CPAMD8: variants seen among roughly 807,000 people sequenced by gnomAD.
The protein encoded by CPAMD8 is C3 and PZP-like alpha-2-macroglobulin domain-containing protein 8.
Under a neutral mutation model 224.7 loss-of-function variants are expected in CPAMD8, and 146 were observed. The observed-to-expected ratio is 0.65, with a 90% CI of 0.57 to 0.75. The LOEUF (loss-of-function observed/expected upper bound fraction) is 0.75. Ranked by LOEUF, CPAMD8 falls within the 30% of genes least tolerant of loss-of-function variation. The pLI, the probability that CPAMD8 is intolerant of heterozygous loss-of-function variation, is 0.00. For missense variants in CPAMD8, 2,301 were observed against 2,537.5 expected, an observed-to-expected ratio of 0.91 and a Z score of 2.00; for synonymous variants, 966 against 1,044.6, an observed-to-expected ratio of 0.92 and a Z score of 1.45.
At chr19:16,978,811 A>G (rs1167810592) in intron 14 of CPAMD8, among the ~76,000 whole-genome samples, 1 of 151,016 alleles carries the variant, frequency 6.6e-6, no homozygotes, top group Non-Finnish European at 1.5e-5. Flanking sequence ...TCATCCATCC[A>G]CCATCTACCC....
chr19:16,996,892 A>T (rs1052185215), intron 11 of CPAMD8, among the ~76,000 whole-genome samples: 1 of 151,556 alleles, frequency 6.6e-6, no homozygotes, highest in Non-Finnish European at 1.5e-5. Context: ...ATAAATGGCT[A>T]CTCAGATGTC....
chr19:16,929,005 G>T lies in CPAMD8; in HGVS notation c.3081C>A (p.Ala1027=). 2 of 1,614,094 alleles carry T rather than the reference G, an allele frequency of 1.2e-6. No homozygotes were observed. Among genetic ancestry groups the T allele is most frequent in the Non-Finnish European group, 1.7e-6 (2 of 1,180,016 alleles). ...MGEPVASAHT[A]KILSWDEFRT... is the part of the protein sequence containing the mutation. Reference sequence around the variant, plus strand: ...TGAATTCATCCCAGGAGAGGATCTTGGCCGTGTGTGCACTGGCCACGGGCT... The same window carrying T: ...TGAATTCATCCCAGGAGAGGATCTTTGCCGTGTGTGCACTGGCCACGGGCT... The change falls in exon 24 of 42, where the codon GCC becomes GCA. Residue 1027 remains alanine, a synonymous_variant. Transcript: ENST00000443236.
At chr19:16,945,333 C>T (rs999369785) in intron 22 of CPAMD8, among the ~76,000 whole-genome samples, 5 of 152,164 alleles carry the variant, frequency 3.3e-5, no homozygotes, top group Non-Finnish European at 7.4e-5. Flanking sequence ...AGCTGCTTTA[C>T]CGAAGCCCAC....
chr19:17,010,341 C>A (rs1284674585), intron 5 of CPAMD8, among the ~76,000 whole-genome samples: 1 of 152,036 alleles, frequency 6.6e-6, no homozygotes, highest in South Asian at 2.1e-4. Flanking sequence ...CTCAAGAGAT[C>A]CTCCTGACTC....
intron 28 of CPAMD8, 37 bp from the exon 29 acceptor site, chr19:16,914,535 G>C: frequency 6.2e-7 from 1 of 1,612,122 alleles, no homozygotes; most frequent in Non-Finnish European, 8.5e-7. Flanking sequence ...CTAAGCCAAA[G>C]GAGACAGTCC....
intron 22 of CPAMD8, among the ~76,000 whole-genome samples, chr19:16,943,497 G>C (rs1468458308): frequency 6.6e-6 from 1 of 151,724 alleles, no homozygotes; most frequent in Non-Finnish European, 1.5e-5. Flanking sequence ...CCAACTTCTG[G>C]CCTCAAGCCA....
At chr19:16,973,510 A>C (rs2055138590) in intron 17 of CPAMD8, among the ~76,000 whole-genome samples, 1 of 151,698 alleles carries the variant, frequency 6.6e-6, no homozygotes, top group Non-Finnish European at 1.5e-5. Context: ...CACCACACCC[A>C]GATAATTTTT....
At chr19:16,999,815 T>C (rs1276799698) in intron 10 of CPAMD8, among the ~76,000 whole-genome samples, 1 of 152,038 alleles carries the variant, frequency 6.6e-6, no homozygotes, top group Non-Finnish European at 1.5e-5. Flanking sequence ...AATTAGTGTT[T>C]ATTAGTGTTT....
At chr19:17,002,049 C>A in intron 9 of CPAMD8, among the ~76,000 whole-genome samples, 3 of 150,312 alleles carry the variant, frequency 2.0e-5, no homozygotes, top group Non-Finnish European at 3.0e-5. Context: ...GGAGGGGCAC[C>A]TCCTGAGGAG....
chr19:17,021,611 G>C lies in CPAMD8; in HGVS notation c.244+419C>G, dbSNP rs763325181. ...GGAGTGAAGGGGAGAGACTGGCTGA[G>C]GGCCTGAGCTGCACTTAGTAACAGG... On this transcript the variant is annotated intron_variant, in intron 2 of 41. Transcript: ENST00000443236. Among the ~76,000 whole-genome samples, 3 of 152,218 alleles carry C rather than the reference G, an allele frequency of 2.0e-5. 1 individual carries two copies. The highest frequency in any genetic ancestry group is 4.4e-5 in the Non-Finnish European group (3 of 68,042).
chr19:16,939,750 T>C (rs938319810), intron 22 of CPAMD8, among the ~76,000 whole-genome samples: 1 of 152,134 alleles, frequency 6.6e-6, no homozygotes, highest in African/African-American at 2.4e-5. Context: ...CTGCTTGAGC[T>C]GGGACATTGA....
chr19:16,936,972 C>A (rs188063372), intron 23 of CPAMD8, among the ~76,000 whole-genome samples: 75 of 151,236 alleles, frequency 5.0e-4, no homozygotes, highest in African/African-American at 1.8e-3. Context: ...ATCTTTTTTT[C>A]CCTCTTTTCT....
At chr19:16,971,077 G>T (rs372354202) in intron 17 of CPAMD8, 44 bp from the exon 18 acceptor site, 64 of 1,535,486 alleles carry the variant, frequency 4.2e-5, no homozygotes, top group Non-Finnish European at 5.1e-5. Context: ...GGAAGTGGAT[G>T]CTGACAGCCC....
intron 21 of CPAMD8, among the ~76,000 whole-genome samples, chr19:16,946,425 TTGTG>T (rs140633335): frequency 6.9e-6 from 1 of 145,232 alleles, no homozygotes; most frequent in African/African-American, 2.6e-5. Context: ...GTGTGTGGAT[TTGTG>T]TGTGTGAATG....
chr19:17,011,327 CG>C, intron 5 of CPAMD8, 136 bp downstream of exon 5: 1 of 996,954 alleles, frequency 1.0e-6, no homozygotes, highest in Non-Finnish European at 1.5e-6. Context: ...TGGGGTTCTC[CG>C]GGGGACATGA....
rs1331130902 is a variant in CPAMD8 at position 16,896,447 on chromosome 19, G to A, written c.5275+9C>T. On this transcript the variant is annotated intron_variant, in intron 40 of 41. Transcript: ENST00000443236. ...GTCCCCGAGGCTAGGCGGGGGGTAGGGTCCTCACCGAGGGCGCAGCAGCTG... is the reference window on the plus strand; with the variant it reads ...GTCCCCGAGGCTAGGCGGGGGGTAGAGTCCTCACCGAGGGCGCAGCAGCTG... The A allele has an allele frequency of 6.9e-7, 1 of 1,454,734 alleles. No individual in the cohort carries two copies. Among genetic ancestry groups the A allele is most frequent in the African/African-American group, 1.4e-5 (1 of 70,228 alleles). The allele number at this position is 1,454,734 out of a possible 1,614,324, so 90.1% of individuals were successfully genotyped here.
intron 36 of CPAMD8, 140 bp downstream of exon 36, chr19:16,901,070 G>C (rs938911903): frequency 5.0e-6 from 3 of 595,746 alleles, no homozygotes; most frequent in South Asian, 2.2e-5. Context: ...GAAGGGGGAG[G>C]GGGAGAGGGA....
chr19:16,917,971 G>A (rs1365338679), intron 27 of CPAMD8, among the ~76,000 whole-genome samples: 2 of 151,990 alleles, frequency 1.3e-5, no homozygotes, highest in African/African-American at 4.8e-5. Flanking sequence ...GCATATAACC[G>A]ACACATATCC....
At chr19:16,960,991 G>A (rs1215631659) in intron 18 of CPAMD8, among the ~76,000 whole-genome samples, 1 of 151,976 alleles carries the variant, frequency 6.6e-6, no homozygotes. Flanking sequence ...CTCTTCTACT[G>A]CTTGAAAAAA....
Sources: gnomAD v4.1 joint callset for allele counts (sites outside exome capture counted in the v4.1 genomes callset) on GRCh38, gnomAD v4.1.1 for gene constraint, MANE v1.5 for transcripts, NCBI Gene and HGNC (gene_info 2026-07-23, HGNC 2026-07-21) for gene names.